The following MED13 variants were observed in gnomAD, a reference collection of about 807,000 sequenced individuals.
MED13 encodes mediator complex subunit 13.
MED13 carries 23 observed loss-of-function variants against 225.2 expected under a neutral mutation model. The observed-to-expected ratio is 0.10, with a 90% CI of 0.07 to 0.14. The LOEUF (loss-of-function observed/expected upper bound fraction) is 0.14, where lower values mean the gene tolerates loss of function less well. Among genes scored for constraint, MED13 ranks in the 10% least tolerant of loss-of-function variants. The probability of loss-of-function intolerance (pLI) is 1.00; values close to 1 mark genes in which losing one functional copy is unlikely to be tolerated. For missense variants in MED13, 2,197 were observed against 2,594.5 expected (o/e 0.85, Z 3.33); for synonymous variants, 942 against 889.2 (o/e 1.06, Z -1.06).
At position 61,944,372 on chromosome 17, in the gene MED13, GT is replaced by G. The variant is rs201249883; in HGVS notation, c.*2095del. 0.021 allele frequency: 2,987 copies of G among 140,008 alleles called. 26 individuals are homozygous for G. The highest frequency in any genetic ancestry group is 0.034 in the African/African-American group (1,291 of 38,212). 8.7% of individuals were successfully genotyped at this position (140,008 alleles called of 1,614,324 possible). On this transcript the variant is annotated 3_prime_UTR_variant, in exon 30 of 30. Transcript: ENST00000397786. ...ACATTTTCCTTCAAATCTCAGACAA[GT>G]TTTTTTTTTTTTTTTAAAGAAAGTA...
chr17:62,053,991 AT>A lies in MED13; in HGVS notation c.302-1287del, dbSNP rs954877505. 7.2e-5 allele frequency among the ~76,000 whole-genome samples: 11 copies of A among 151,946 alleles called. No individual in the cohort carries two copies. The South Asian group carries it at 2.1e-3, about 29-fold the overall frequency. Reference sequence around the variant, plus strand: ...ATAGTCAAGTCTTTCAAAGCAACTAATTTTTTTTTAAATTTTATTTTAAATA... The same window carrying A: ...ATAGTCAAGTCTTTCAAAGCAACTAATTTTTTTTAAATTTTATTTTAAATA... On this transcript the variant is annotated intron_variant, in intron 2 of 29. Transcript: ENST00000397786.
chr17:61,983,483 G>A (rs1013776050), intron 15 of MED13, among the ~76,000 whole-genome samples: 2 of 152,146 alleles, frequency 1.3e-5, no homozygotes, highest in South Asian at 2.1e-4. Context: ...AGATGCTCAT[G>A]TGTAAAAAGG....
intron 8 of MED13, among the ~76,000 whole-genome samples, chr17:62,027,054 A>G (rs1290182712): frequency 1.3e-5 from 2 of 152,192 alleles, no homozygotes; most frequent in Non-Finnish European, 2.9e-5. Context: ...CAAACTACCA[A>G]TGACATTCTT....
chr17:61,964,068 A>G (rs1218139319), intron 20 of MED13, among the ~76,000 whole-genome samples: 2 of 152,248 alleles, frequency 1.3e-5, no homozygotes, highest in Non-Finnish European at 2.9e-5. Flanking sequence ...ACAACTCTAA[A>G]GCCTCTAAAT....
intron 3 of MED13, among the ~76,000 whole-genome samples, chr17:62,051,937 T>C (rs1194430502): frequency 2.0e-5 from 3 of 152,296 alleles, no homozygotes. Context: ...TTTAATTGCA[T>C]AGGAGAAGGA....
chr17:62,061,684 G>A (rs1259620222), intron 2 of MED13, among the ~76,000 whole-genome samples: 1 of 152,122 alleles, frequency 6.6e-6, no homozygotes, highest in Non-Finnish European at 1.5e-5. Context: ...GAAAGAAAAA[G>A]GAGGCTGGCG....
chr17:62,028,198 C>T (rs1381641739), intron 8 of MED13, among the ~76,000 whole-genome samples: 1 of 152,166 alleles, frequency 6.6e-6, no homozygotes, highest in Non-Finnish European at 1.5e-5. Flanking sequence ...GGTACATATA[C>T]ACCATGGAAT....
chr17:61,991,669 A>G (rs906098940), intron 11 of MED13, among the ~76,000 whole-genome samples: 8 of 151,992 alleles, frequency 5.3e-5, no homozygotes, highest in African/African-American at 1.7e-4. Flanking sequence ...CTCCATGCCC[A>G]GCTAATTTTT....
intron 28 of MED13, among the ~76,000 whole-genome samples, chr17:61,948,774 C>T (rs959605339): frequency 2.6e-5 from 4 of 151,118 alleles, no homozygotes; most frequent in Admixed American, 6.6e-5. Flanking sequence ...AGTCAACTTC[C>T]GGTGGTTTTA....
intron 9 of MED13, 129 bp downstream of exon 9, chr17:62,010,421 G>A (rs775877618): frequency 2.0e-5 from 11 of 556,632 alleles, no homozygotes; most frequent in Non-Finnish European, 2.5e-5. Context: ...AAGGAATAAT[G>A]CAAAGTTAAT....
rs147852495 is a variant in MED13 at position 61,975,480 on chromosome 17, T to C, written c.3806-2592A>G. ...ATAATAAGAAAAACAATGTGACAAG[T>C]GTAAGTGAAACCCTCATATATTGCT... On this transcript the variant is annotated intron_variant, in intron 16 of 29. Transcript: ENST00000397786. Among the ~76,000 whole-genome samples the C allele has an allele frequency of 1.2e-4, 19 of 152,242 alleles. No individual in the cohort carries two copies. In the East Asian group the frequency reaches 3.7e-3, roughly 29 times the overall value.
At chr17:61,961,374 G>T (rs542000128) in intron 22 of MED13, among the ~76,000 whole-genome samples, 9 of 152,034 alleles carry the variant, frequency 5.9e-5, no homozygotes, top group African/African-American at 1.7e-4. Context: ...CACAAAATTA[G>T]CTGGGCAAGG....
chr17:62,015,956 T>A (rs1370321084), intron 8 of MED13, among the ~76,000 whole-genome samples: 441 of 4,674 alleles, frequency 0.094, 6 homozygotes, highest in East Asian at 0.25. Flanking sequence ...ATATATATAT[T>A]TTTTTTTTTT....
chr17:62,009,879 AAATG>A (rs2080489405), intron 9 of MED13, among the ~76,000 whole-genome samples: 2 of 152,334 alleles, frequency 1.3e-5, no homozygotes, highest in South Asian at 4.1e-4. Context: ...AAAGCAATTA[AAATG>A]AATAACTAGA....
chr17:61,996,962 AG>A (rs1410409538), intron 9 of MED13, among the ~76,000 whole-genome samples: 2 of 152,226 alleles, frequency 1.3e-5, no homozygotes, highest in African/African-American at 4.8e-5. Flanking sequence ...TTTTTGCATT[AG>A]TACTACTAAA....
intron 16 of MED13, 119 bp from the exon 17 acceptor site, chr17:61,973,007 A>C: frequency 1.4e-6 from 1 of 715,700 alleles, no homozygotes; most frequent in South Asian, 2.5e-5. Context: ...AAGAAGATTA[A>C]ACCCTTACTT....
At chr17:62,014,310 T>TATATATATATATATATATATATATATA (rs1555638734) in intron 8 of MED13, among the ~76,000 whole-genome samples, 6 of 143,094 alleles carry the variant, frequency 4.2e-5, no homozygotes, top group African/African-American at 1.6e-4. Context: ...GTATATGTTT[T>TATATATATATATATATATATATATATA]TATATATATA....
intron 4 of MED13, 108 bp downstream of exon 4, chr17:62,035,355 A>T: frequency 2.1e-6 from 2 of 938,064 alleles, no homozygotes; most frequent in Non-Finnish European, 3.1e-6. Context: ...AATCATCATT[A>T]GGCTAAAGAT....
intron 18 of MED13, among the ~76,000 whole-genome samples, chr17:61,966,992 T>C (rs958733052): frequency 5.3e-5 from 8 of 152,166 alleles, no homozygotes; most frequent in African/African-American, 1.7e-4. Context: ...AGCATAAAAA[T>C]GCAGTCATTT....
Sources: allele counts gnomAD v4.1 joint callset (sites outside exome capture counted in the v4.1 genomes callset), GRCh38; gene constraint gnomAD v4.1.1; transcripts MANE v1.5; gene names NCBI Gene and HGNC (gene_info 2026-07-23, HGNC 2026-07-21).